Variants in BID observed in about 807,000 individuals in gnomAD.
The protein encoded by BID is BH3 interacting domain death agonist.
In BID, 19 loss-of-function variants were observed where a neutral mutation model predicts 17.4. The ratio of observed to expected loss-of-function variants is 1.09; its 90% CI spans 0.76 to 1.60. The LOEUF is 1.60. Among genes scored for constraint, BID ranks in the 40% most tolerant of loss-of-function variants. The pLI, the probability that BID is intolerant of heterozygous loss-of-function variation, is 0.00. For missense variants in BID, 226 were observed against 256.0 expected, an observed-to-expected ratio of 0.88 and a Z score of 0.80; for synonymous variants, 108 against 102.8, an observed-to-expected ratio of 1.05 and a Z score of -0.31.
chr22:17,765,669 T>C (rs1315833101), intron 1 of BID, among the ~76,000 whole-genome samples: 2 of 152,208 alleles, frequency 1.3e-5, no homozygotes, highest in African/African-American at 2.4e-5. Context: ...TACACCTGTA[T>C]TATAGCTAAT....
intron 2 of BID, among the ~76,000 whole-genome samples, chr22:17,749,525 C>T (rs1322251466): frequency 6.6e-6 from 1 of 152,178 alleles, no homozygotes; most frequent in Non-Finnish European, 1.5e-5. Flanking sequence ...TTTTGAAACA[C>T]CTTACAGTTT....
Position 17,773,600 on chromosome 22 carries a change from G to A in BID, c.-59+781C>T. The A allele has an allele frequency of 6.2e-7, 1 of 1,612,430 alleles. No homozygotes were observed. The highest frequency in any genetic ancestry group is 8.5e-7 in the Non-Finnish European group (1 of 1,179,900). ...CCAGCCGCAGAAGGCCCAGCCCCCAGCCCACTTACAGAATCCGCACTGTGC... is the reference window on the plus strand; with the variant it reads ...CCAGCCGCAGAAGGCCCAGCCCCCAACCCACTTACAGAATCCGCACTGTGC... On this transcript the variant is annotated intron_variant, in intron 1 of 5. Transcript: ENST00000622694. The surrounding 1 kb of genome is among the most constrained non-coding windows in gnomAD (Gnocchi z 4.4).
intron 1 of BID, among the ~76,000 whole-genome samples, chr22:17,771,551 CT>C (rs1174269789): frequency 6.6e-6 from 1 of 152,182 alleles, no homozygotes; most frequent in Non-Finnish European, 1.5e-5. Flanking sequence ...CCACTTCCTC[CT>C]TTTCTTAGTT....
Position 17,774,456 on chromosome 22 carries a change from C to T in BID, c.-134G>A, listed in dbSNP as rs1162137940. On this transcript the variant is annotated 5_prime_UTR_variant, in exon 1 of 6. Transcript: ENST00000622694. ...CCAGGCGCGCGGACACGGTCGACTA[C>T]CCGCTTCCTCCTTATGGCGCCCCGC... is the stretch of plus-strand genomic sequence containing the variant. The T allele has an allele frequency of 3.7e-5, 11 of 294,794 alleles. No individual in the cohort carries two copies. The highest frequency in any genetic ancestry group is 1.1e-4 in the African/African-American group (5 of 44,644). The allele number at this position is 294,794 out of a possible 1,614,324, so 18.3% of individuals were successfully genotyped here. A position where few individuals can be genotyped will look rare whatever the true frequency, so the allele number is the denominator to read the frequency against.
chr22:17,738,550 T>C (rs1314602734), intron 4 of BID, among the ~76,000 whole-genome samples: 1 of 152,088 alleles, frequency 6.6e-6, no homozygotes, highest in African/African-American at 2.4e-5. Flanking sequence ...TGCGACGCCT[T>C]AGGCCCATTT....
intron 1 of BID, among the ~76,000 whole-genome samples, chr22:17,763,533 C>T (rs58081382): frequency 0.015 from 2,266 of 152,256 alleles, 48 homozygotes; most frequent in African/African-American, 0.052. Context: ...CGTGAACCAC[C>T]GTGCCTGGCC....
chr22:17,741,570 T>C (rs978830249), intron 3 of BID, among the ~76,000 whole-genome samples: 19 of 151,582 alleles, frequency 1.3e-4, no homozygotes, highest in African/African-American at 4.4e-4. Flanking sequence ...GCTTCCCGGG[T>C]TCAAACAATT....
At position 17,773,675 on chromosome 22, in the gene BID, A is replaced by C; in HGVS notation, c.-59+706T>G. The C allele has an allele frequency of 6.2e-7, 1 of 1,610,368 alleles. No individual in the cohort carries two copies. The highest frequency in any genetic ancestry group is 8.5e-7 in the Non-Finnish European group (1 of 1,179,812). Reference sequence around the variant, plus strand: ...CTGCCCACCGAGCCATCATGACCCCAGCACCGCTGCACATTCGTATTTGTT... The same window carrying C: ...CTGCCCACCGAGCCATCATGACCCCCGCACCGCTGCACATTCGTATTTGTT... On this transcript the variant is annotated intron_variant, in intron 1 of 5. Transcript: ENST00000622694. This position sits in a 1 kb window ranked among gnomAD's most constrained non-coding sequence, Gnocchi z 4.4.
chr22:17,745,807 A>G (rs1395949945), intron 2 of BID, among the ~76,000 whole-genome samples: 2 of 152,048 alleles, frequency 1.3e-5, no homozygotes, highest in Non-Finnish European at 2.9e-5. Context: ...CTCTACTAAA[A>G]ATACAAAAAT....
intron 2 of BID, among the ~76,000 whole-genome samples, chr22:17,747,396 C>A (rs189142586): frequency 9.2e-5 from 14 of 152,346 alleles, no homozygotes; most frequent in African/African-American, 3.4e-4. Context: ...TCTCAGCTCA[C>A]TGCAACCTCT....
chr22:17,753,188 G>T (rs1312954827), intron 1 of BID, among the ~76,000 whole-genome samples: 1 of 151,562 alleles, frequency 6.6e-6, no homozygotes, highest in East Asian at 1.9e-4. Context: ...GGATGGTCTT[G>T]ATCTCCTGAC....
chr22:17,764,780 G>C (rs2061666640), intron 1 of BID, among the ~76,000 whole-genome samples: 1 of 152,134 alleles, frequency 6.6e-6, no homozygotes, highest in African/African-American at 2.4e-5. Flanking sequence ...AACCATTGAG[G>C]GTTGCTTTGA....
chr22:17,752,540 G>A (rs2061547314), intron 1 of BID, among the ~76,000 whole-genome samples: 3 of 152,294 alleles, frequency 2.0e-5, no homozygotes, highest in South Asian at 4.1e-4. Flanking sequence ...GTCACATCAT[G>A]GAGGAATACC....
At chr22:17,739,632 G>A (rs1222211150) in intron 3 of BID, 144 bp from the exon 4 acceptor site, 21 of 1,095,256 alleles carry the variant, frequency 1.9e-5, no homozygotes, top group African/African-American at 4.7e-5. Context: ...CACTCCACCA[G>A]GGCCACAGCG....
intron 1 of BID, among the ~76,000 whole-genome samples, chr22:17,757,691 A>G (rs1431254508): frequency 3.4e-5 from 5 of 148,380 alleles, no homozygotes; most frequent in Non-Finnish European, 7.4e-5. Flanking sequence ...CCTGCGCGAC[A>G]GAGCGAGACT....
At chr22:17,738,489 C>T (rs1001268106) in intron 4 of BID, among the ~76,000 whole-genome samples, 5 of 152,162 alleles carry the variant, frequency 3.3e-5, no homozygotes, top group African/African-American at 9.7e-5. Flanking sequence ...TACAAGAAGC[C>T]TGGGTCATCC....
intron 1 of BID, among the ~76,000 whole-genome samples, chr22:17,755,384 G>C (rs2061574840): frequency 6.6e-6 from 1 of 152,228 alleles, no homozygotes; most frequent in South Asian, 2.1e-4. Context: ...TGGTGACCCA[G>C]AGAAGGGGCA....
chr22:17,756,540 T>C (rs1374850478), intron 1 of BID, among the ~76,000 whole-genome samples: 3 of 151,074 alleles, frequency 2.0e-5, no homozygotes, highest in African/African-American at 7.3e-5. Flanking sequence ...CCTTCTTTCC[T>C]TCCTTCCTTC....
intron 2 of BID, 125 bp downstream of exon 2, chr22:17,749,980 C>T (rs2061524422): frequency 2.1e-6 from 2 of 931,358 alleles, no homozygotes; most frequent in South Asian, 3.1e-5. Flanking sequence ...TCGTCTGTGC[C>T]GAGCTGTGGT....
Sources: allele counts gnomAD v4.1 joint callset (sites outside exome capture counted in the v4.1 genomes callset), GRCh38; gene constraint gnomAD v4.1.1; non-coding constraint Gnocchi (gnomAD v3.1); transcripts MANE v1.5; gene names NCBI Gene and HGNC (gene_info 2026-07-23, HGNC 2026-07-21).